Variants in MDGA2 observed in about 807,000 individuals in gnomAD.
MDGA2 encodes MAM domain containing glycosylphosphatidylinositol anchor 2.
In MDGA2, 40 loss-of-function variants were observed where a neutral mutation model predicts 117.8. The observed-to-expected ratio is 0.34, with a 90% CI of 0.26 to 0.44. The LOEUF (loss-of-function observed/expected upper bound fraction) is 0.44, where lower values mean the gene tolerates loss of function less well. MDGA2 is among the 20% of genes least tolerant of loss of function. The pLI is 1.00. For synonymous variants in MDGA2, 452 were observed against 439.0 expected (o/e 1.03, Z -0.37); for missense variants, 1,123 against 1,250.6 (o/e 0.90, Z 1.54).
chr14:47,090,026 A>T (rs538625407), intron 6 of MDGA2, among the ~76,000 whole-genome samples: 2 of 152,290 alleles, frequency 1.3e-5, no homozygotes, highest in East Asian at 3.9e-4. Context: ...ACTTTTAATC[A>T]TAAAACTTTG....
At chr14:47,250,560 G>T (rs908397750) in intron 2 of MDGA2, among the ~76,000 whole-genome samples, 4 of 152,198 alleles carry the variant, frequency 2.6e-5, no homozygotes, top group Admixed American at 1.3e-4. Context: ...TTCATAGAAG[G>T]GACTGAATCG....
chr14:46,892,984 C>A (rs1882939717), intron 10 of MDGA2, among the ~76,000 whole-genome samples: 1 of 151,828 alleles, frequency 6.6e-6, no homozygotes, highest in South Asian at 2.1e-4. Context: ...TACCATATGA[C>A]CCAGAAATCT....
intron 1 of MDGA2, among the ~76,000 whole-genome samples, chr14:47,586,190 A>C (rs566756382): frequency 4.6e-5 from 7 of 152,074 alleles, no homozygotes; most frequent in African/African-American, 1.7e-4. Context: ...TCCCTAAAGA[A>C]TTGGTGTATA....
chr14:47,083,735 A>G (rs1191655383), intron 6 of MDGA2, among the ~76,000 whole-genome samples: 1 of 152,090 alleles, frequency 6.6e-6, no homozygotes, highest in Non-Finnish European at 1.5e-5. Flanking sequence ...GTAAAAGGAC[A>G]AAATATATAT....
chr14:47,118,365 A>T (rs1175841391), intron 5 of MDGA2, among the ~76,000 whole-genome samples: 1 of 152,156 alleles, frequency 6.6e-6, no homozygotes, highest in Non-Finnish European at 1.5e-5. Context: ...AATATTGCTT[A>T]AAGAAATATT....
At chr14:47,568,361 T>C (rs1197183517) in intron 1 of MDGA2, among the ~76,000 whole-genome samples, 1 of 152,188 alleles carries the variant, frequency 6.6e-6, no homozygotes, top group African/African-American at 2.4e-5. Context: ...AATGCAGTTA[T>C]TTTGGAATTC....
At chr14:47,243,737 C>T (rs558280860) in intron 2 of MDGA2, among the ~76,000 whole-genome samples, 28 of 151,856 alleles carry the variant, frequency 1.8e-4, no homozygotes, top group African/African-American at 2.6e-4. Flanking sequence ...AGAGCTGTAA[C>T]GCTCACCGCG....
At chr14:47,385,380 G>C (rs1891733747) in intron 1 of MDGA2, among the ~76,000 whole-genome samples, 1 of 151,798 alleles carries the variant, frequency 6.6e-6, no homozygotes, top group African/African-American at 2.4e-5. Context: ...ATTGAAATAT[G>C]TGATAAATAT....
intron 1 of MDGA2, among the ~76,000 whole-genome samples, chr14:47,649,867 A>C (rs2138266701): frequency 6.6e-6 from 1 of 152,116 alleles, no homozygotes; most frequent in South Asian, 2.1e-4. Context: ...ATATTGAAAA[A>C]CCAGGATGAA....
Position 47,257,347 on chromosome 14 carries a change from C to T in MDGA2, c.421-39152G>A, listed in dbSNP as rs141466990. 2.0e-3 allele frequency among the ~76,000 whole-genome samples: 297 copies of T among 152,132 alleles called. 1 individual carries two copies. The highest frequency in any genetic ancestry group is 6.8e-3 in the African/African-American group (282 of 41,518). On this transcript the variant is annotated intron_variant, in intron 2 of 16. Coordinates refer to ENST00000399232, the MANE Select transcript of MDGA2 (RefSeq NM_001113498.3). The stretch of plus-strand genomic sequence containing the variant: ...CTTGCTGTTTTCTCTTGTTTTGCCT[C>T]GGATATTTACATGTGTCACTCCTTT...
chr14:47,192,769 G>A (rs1445248261), intron 3 of MDGA2, among the ~76,000 whole-genome samples: 1 of 152,162 alleles, frequency 6.6e-6, no homozygotes, highest in African/African-American at 2.4e-5. Context: ...TTTATAGAAT[G>A]TGTTCAGTCA....
intron 2 of MDGA2, among the ~76,000 whole-genome samples, chr14:47,245,507 A>C (rs1566700269): frequency 2.6e-5 from 4 of 151,746 alleles, no homozygotes; most frequent in Admixed American, 2.0e-4. Context: ...TCAAGGGCCA[A>C]CTGCACAATT....
intron 10 of MDGA2, among the ~76,000 whole-genome samples, chr14:46,909,381 A>AT (rs554639651): frequency 1.3e-3 from 193 of 152,082 alleles, no homozygotes; most frequent in African/African-American, 4.5e-3. Flanking sequence ...AAGGAAGAAC[A>AT]TTTTTTTTCC....
chr14:47,012,079 A>C (rs906691402), intron 8 of MDGA2, among the ~76,000 whole-genome samples: 4 of 152,098 alleles, frequency 2.6e-5, no homozygotes, highest in Non-Finnish European at 5.9e-5. Flanking sequence ...GTATGTCAGG[A>C]CTATATTAAT....
intron 8 of MDGA2, among the ~76,000 whole-genome samples, chr14:46,986,912 G>A (rs549795201): frequency 6.6e-6 from 1 of 152,050 alleles, no homozygotes; most frequent in African/African-American, 2.4e-5. Context: ...TCTGAGAGAT[G>A]GACTTTATAA....
chr14:47,096,181 A>C (rs938473703), intron 6 of MDGA2, among the ~76,000 whole-genome samples: 1 of 152,038 alleles, frequency 6.6e-6, no homozygotes, highest in African/African-American at 2.4e-5. Context: ...TGCGTCTTCT[A>C]TCTCTGACTT....
chr14:47,053,205 GTTTCTTCT>G (rs1487903676), intron 7 of MDGA2, among the ~76,000 whole-genome samples: 1 of 151,812 alleles, frequency 6.6e-6, no homozygotes, highest in African/African-American at 2.4e-5. Context: ...TTGCTTCACA[GTTTCTTCT>G]TTTTTTATCA....
intron 8 of MDGA2, 108 bp downstream of exon 8, chr14:47,034,903 T>C (rs1292970393): frequency 2.3e-5 from 21 of 915,498 alleles, no homozygotes; most frequent in East Asian, 7.4e-5. Context: ...AATGTAGAAA[T>C]AGTTCATTCA....
Position 47,649,836 on chromosome 14 carries a change from G to A in MDGA2, c.280+24681C>T, listed in dbSNP as rs191773268. Among the ~76,000 whole-genome samples, 119 of 152,166 alleles carry A rather than the reference G, an allele frequency of 7.8e-4. 2 individuals are homozygous for A. The highest frequency in any genetic ancestry group is 2.6e-3 in the African/African-American group (109 of 41,526). ...AATTTAGGGGATGGTGATAATTGAG[G>A]CAGCTCTATTTTTAATCTGAATATT... On this transcript the variant is annotated intron_variant, in intron 1 of 16. Coordinates refer to ENST00000399232, the MANE Select transcript of MDGA2 (RefSeq NM_001113498.3).
Sources: allele counts gnomAD v4.1 joint callset (sites outside exome capture counted in the v4.1 genomes callset), GRCh38; gene constraint gnomAD v4.1.1; transcripts MANE v1.5; gene names NCBI Gene and HGNC (gene_info 2026-07-23, HGNC 2026-07-21).